The following BAZ1A variants were observed in gnomAD, a reference collection of about 807,000 sequenced individuals.
BAZ1A encodes bromodomain adjacent to zinc finger domain protein 1A.
A neutral mutation model predicts 185.2 loss-of-function variants in BAZ1A; 50 were observed. The ratio of observed to expected loss-of-function variants is 0.27; its 90% CI spans 0.22 to 0.34. The LOEUF is 0.34. Ranked by LOEUF, BAZ1A falls within the 10% of genes least tolerant of loss-of-function variation. The pLI, the probability that BAZ1A is intolerant of heterozygous loss-of-function variation, is 1.00. For missense variants in BAZ1A, 1,356 were observed against 1,839.9 expected, an observed-to-expected ratio of 0.74 and a Z score of 4.81; for synonymous variants, 571 against 615.6, an observed-to-expected ratio of 0.93 and a Z score of 1.07.
chr14:34,757,018 T>C (rs924388916), intron 25 of BAZ1A, among the ~76,000 whole-genome samples: 3 of 152,206 alleles, frequency 2.0e-5, no homozygotes, highest in Non-Finnish European at 4.4e-5. Flanking sequence ...TTCATATTCA[T>C]TACATAGAAC....
rs201151644 is a variant in BAZ1A, at chr14:34,787,809, C to CA, written c.1511-1589dup. On this transcript the variant is annotated intron_variant, in intron 12 of 26. Transcript: ENST00000360310. ...GAACTAAACAGCAAATCTACTGGTA[C>CA]AAATGTATGTAAAGCATTATCATAT... is the stretch of plus-strand genomic sequence containing the variant. Among the ~76,000 whole-genome samples the CA allele has an allele frequency of 1.1e-4, 16 of 152,286 alleles. 1 individual carries two copies. The East Asian group carries it at 3.1e-3, about 29-fold the overall frequency.
At chr14:34,866,008 C>A (rs767018255) in intron 2 of BAZ1A, among the ~76,000 whole-genome samples, 3 of 151,674 alleles carry the variant, frequency 2.0e-5, no homozygotes, top group Non-Finnish European at 4.4e-5. Flanking sequence ...CGCAACAAAG[C>A]GAGACCCTGT....
chr14:34,862,422 T>C, intron 2 of BAZ1A, 100 bp from the exon 3 acceptor site: 3 of 1,368,254 alleles, frequency 2.2e-6, no homozygotes, highest in Non-Finnish European at 2.9e-6. Flanking sequence ...TTTGTGCCTT[T>C]AATGCAAAAT....
chr14:34,844,679 G>A (rs2042475257), intron 3 of BAZ1A, among the ~76,000 whole-genome samples: 1 of 151,692 alleles, frequency 6.6e-6, no homozygotes, highest in Non-Finnish European at 1.5e-5. Flanking sequence ...CCACTGGGGA[G>A]GATAACCTGA....
intron 2 of BAZ1A, among the ~76,000 whole-genome samples, chr14:34,873,699 C>G (rs752507393): frequency 4.6e-5 from 7 of 152,226 alleles, no homozygotes; most frequent in Non-Finnish European, 7.3e-5. Context: ...GCTTCTTCCC[C>G]CTTCCTCTTC....
chr14:34,818,303 G>A (rs1483417349), intron 4 of BAZ1A, among the ~76,000 whole-genome samples: 1 of 152,140 alleles, frequency 6.6e-6, no homozygotes, highest in Non-Finnish European at 1.5e-5. Flanking sequence ...AGACAAAGTA[G>A]ATCAGAGGTT....
intron 19 of BAZ1A, 93 bp from the exon 20 acceptor site, chr14:34,773,819 G>T: frequency 1.6e-6 from 2 of 1,240,098 alleles, no homozygotes; most frequent in East Asian, 2.5e-5. Flanking sequence ...ATCAATTCAT[G>T]GATATTTTAG....
At chr14:34,868,444 T>C (rs1206428624) in intron 2 of BAZ1A, among the ~76,000 whole-genome samples, 2 of 152,138 alleles carry the variant, frequency 1.3e-5, no homozygotes, top group Non-Finnish European at 2.9e-5. Flanking sequence ...TACTATTAAT[T>C]TGTTGGGTAT....
intron 12 of BAZ1A, 152 bp downstream of exon 12, chr14:34,792,623 C>A (rs1482579546): frequency 1.0e-5 from 9 of 882,586 alleles, no homozygotes; most frequent in Admixed American, 9.5e-5. Flanking sequence ...GTAACATAAT[C>A]CATTTGTTGT....
At chr14:34,869,175 C>G (rs2042913112) in intron 2 of BAZ1A, among the ~76,000 whole-genome samples, 1 of 151,840 alleles carries the variant, frequency 6.6e-6, no homozygotes, top group Non-Finnish European at 1.5e-5. Context: ...TGACTGCACT[C>G]TAGCCTGGGT....
In BAZ1A at chr14:34,874,462, CCGCGGCCCCGCA is replaced by C; in HGVS notation, c.113+18_113+29del. On this transcript the variant is annotated intron_variant, in intron 2 of 26. Coordinates refer to ENST00000360310, the MANE Select transcript of BAZ1A (RefSeq NM_013448.3). The surrounding 1 kb of genome is among the most constrained non-coding windows in gnomAD (Gnocchi z 4.7). Reference sequence around the variant, plus strand: ...GCTGCGGGGGGAGTCCCCACACCCCCCGCGGCCCCGCACACGGCCCGGCTCTTACTCGTAGTG... The same window carrying C: ...GCTGCGGGGGGAGTCCCCACACCCCCCACGGCCCGGCTCTTACTCGTAGTG... 1 of 1,590,544 alleles carries C rather than the reference CCGCGGCCCCGCA, an allele frequency of 6.3e-7. No homozygotes were observed. Among genetic ancestry groups the C allele is most frequent in the Non-Finnish European group, 8.6e-7 (1 of 1,159,906 alleles).
chr14:34,790,816 A>G (rs1226624870), intron 12 of BAZ1A, among the ~76,000 whole-genome samples: 1 of 152,208 alleles, frequency 6.6e-6, no homozygotes, highest in Non-Finnish European at 1.5e-5. Flanking sequence ...TAAAAAACTC[A>G]TAGATCAATA....
intron 24 of BAZ1A, among the ~76,000 whole-genome samples, chr14:34,759,171 GTTTTTTTTTTT>G (rs780287749): frequency 0.025 from 1,694 of 66,518 alleles, 82 homozygotes; most frequent in African/African-American, 0.1. Flanking sequence ...TACAGCTACA[GTTTTTTTTTTT>G]TTTTTTTTTT....
chr14:34,823,778 T>C (rs1291252520), intron 4 of BAZ1A, among the ~76,000 whole-genome samples: 3 of 152,208 alleles, frequency 2.0e-5, no homozygotes, highest in Non-Finnish European at 4.4e-5. Flanking sequence ...AGTTTTTTTA[T>C]CTTGAATTAA....
chr14:34,860,923 G>A (rs2042759258), intron 3 of BAZ1A, among the ~76,000 whole-genome samples: 1 of 151,896 alleles, frequency 6.6e-6, no homozygotes, highest in Non-Finnish European at 1.5e-5. Context: ...TTAATTACTT[G>A]CCAAAAATCA....
chr14:34,872,037 T>G (rs1168996077), intron 2 of BAZ1A, among the ~76,000 whole-genome samples: 1 of 152,196 alleles, frequency 6.6e-6, no homozygotes, highest in African/African-American at 2.4e-5. Context: ...AAATGTAACA[T>G]GATTAAATGG....
rs1002298822 is a variant in BAZ1A, at chr14:34,761,966, G to C, written c.4034C>G (p.Ala1345Gly). The C allele has an allele frequency of 1.9e-5, 30 of 1,614,194 alleles. No homozygotes were observed. The highest frequency in any genetic ancestry group is 2.5e-5 in the Non-Finnish European group (30 of 1,180,040). The change falls in exon 24 of 27, where the codon GCA becomes GGA. Residue 1345 changes from alanine to glycine, a missense_variant. Transcript: ENST00000360310. ...STRHSHGPLQ[A>G]DVFVELLSPR... ...ACTAAGCAATTCCACAAATACATCT[G>C]CTTGCAGTGGGCCATGACTGTGGCG... is the stretch of plus-strand genomic sequence containing the variant.
chr14:34,773,682 C>A lies in BAZ1A; in HGVS notation c.3042G>T (p.Arg1014=). 1.2e-6 allele frequency: 2 copies of A among 1,613,614 alleles called. No individual in the cohort carries two copies. Among genetic ancestry groups the A allele is most frequent in the Non-Finnish European group, 1.7e-6 (2 of 1,179,842 alleles). ...HIWRSALESG[R]YELLSEENKE... ...TGTTTTCCTCACTTAACAGCTCATA[C>A]CGTCCACTTTCTAATGCTGATCTCC... Residue 1014 remains arginine, a synonymous_variant, in exon 20 of 27, where the codon CGG becomes CGT. Transcript: ENST00000360310.
At chr14:34,829,783 A>T (rs1370745265) in intron 3 of BAZ1A, among the ~76,000 whole-genome samples, 2 of 152,268 alleles carry the variant, frequency 1.3e-5, no homozygotes, top group African/African-American at 2.4e-5. Context: ...CCTATTCATC[A>T]TCTAACCTAC....
Sources: gnomAD v4.1 joint callset for allele counts (sites outside exome capture counted in the v4.1 genomes callset) on GRCh38, gnomAD v4.1.1 for gene constraint, Gnocchi (gnomAD v3.1) non-coding constraint, MANE v1.5 for transcripts, NCBI Gene and HGNC (gene_info 2026-07-23, HGNC 2026-07-21) for gene names.